Variants in SGTB observed in about 807,000 individuals in gnomAD.
SGTB encodes the protein small glutamine-rich tetratricopeptide repeat-containing protein beta.
SGTB carries 19 observed loss-of-function variants against 43.9 expected under a neutral mutation model. That is an observed-to-expected ratio of 0.43 (90% confidence interval 0.30 to 0.63). The LOEUF is 0.63. SGTB is among the 30% of genes least tolerant of loss of function. SGTB has a pLI of 0.12. For synonymous variants in SGTB, 116 were observed against 117.3 expected, an observed-to-expected ratio of 0.99 and a Z score of 0.07; for missense variants, 304 against 358.9, an observed-to-expected ratio of 0.85 and a Z score of 1.24.
At chr5:65,707,639 T>C (rs952901931) in intron 4 of SGTB, among the ~76,000 whole-genome samples, 2 of 152,128 alleles carry the variant, frequency 1.3e-5, no homozygotes, top group African/African-American at 2.4e-5. Context: ...TTCACCGAGT[T>C]GGCCAGGATG....
intron 5 of SGTB, among the ~76,000 whole-genome samples, chr5:65,689,787 T>C (rs562055919): frequency 6.6e-6 from 1 of 152,260 alleles, no homozygotes; most frequent in South Asian, 2.1e-4. Context: ...AAGGTGGTTT[T>C]AGGTCTAGTT....
intron 3 of SGTB, among the ~76,000 whole-genome samples, chr5:65,711,854 G>A (rs1405816106): frequency 6.6e-6 from 1 of 152,154 alleles, no homozygotes; most frequent in Non-Finnish European, 1.5e-5. Context: ...AAGTGTGTAA[G>A]ATATGTTTCA....
intron 3 of SGTB, among the ~76,000 whole-genome samples, chr5:65,710,867 G>A (rs1180077860): frequency 2.0e-5 from 3 of 152,006 alleles, no homozygotes; most frequent in East Asian, 3.9e-4. Context: ...GTGGTGGCGG[G>A]TGCCTGTAAT....
chr5:65,677,651 G>A (rs1383290964), intron 8 of SGTB, among the ~76,000 whole-genome samples: 2 of 152,070 alleles, frequency 1.3e-5, no homozygotes, highest in South Asian at 2.1e-4. Flanking sequence ...TCACAATCAC[G>A]GAGGCTTCAT....
intron 5 of SGTB, among the ~76,000 whole-genome samples, chr5:65,700,461 G>A (rs978764868): frequency 4.6e-5 from 7 of 152,008 alleles, no homozygotes; most frequent in Admixed American, 4.6e-4. Context: ...GAGGTCAGGA[G>A]ATCGAGACCA....
At chr5:65,689,932 G>T (rs770191681) in intron 5 of SGTB, among the ~76,000 whole-genome samples, 1 of 152,084 alleles carries the variant, frequency 6.6e-6, no homozygotes, top group Non-Finnish European at 1.5e-5. Flanking sequence ...TGAAAGTATA[G>T]GGTTCAACAA....
At chr5:65,708,763 T>C (rs1437760132) in intron 3 of SGTB, among the ~76,000 whole-genome samples, 1 of 152,130 alleles carries the variant, frequency 6.6e-6, no homozygotes, top group Non-Finnish European at 1.5e-5. Context: ...TATCTGTGAC[T>C]GGGCGTGGTG....
intron 5 of SGTB, among the ~76,000 whole-genome samples, chr5:65,700,461 G>T (rs978764868): frequency 6.6e-6 from 1 of 152,008 alleles, no homozygotes; most frequent in African/African-American, 2.4e-5. Flanking sequence ...GAGGTCAGGA[G>T]ATCGAGACCA....
chr5:65,708,337 T>G (rs1440114517), intron 4 of SGTB, 152 bp downstream of exon 4: 1 of 601,330 alleles, frequency 1.7e-6, no homozygotes, highest in East Asian at 3.1e-5. Flanking sequence ...CCAGGCTTCT[T>G]ACCCATCACA....
intron 5 of SGTB, among the ~76,000 whole-genome samples, chr5:65,687,432 T>C (rs1013944051): frequency 2.0e-5 from 3 of 152,218 alleles, no homozygotes; most frequent in Non-Finnish European, 2.9e-5. Context: ...GACACATAGA[T>C]ACATACGTAC....
chr5:65,670,354 T>C lies in SGTB; in HGVS notation c.807A>G (p.Gly269=). 6.2e-7 allele frequency: 1 copy of C among 1,613,558 alleles called. No individual in the cohort carries two copies. The highest frequency in any genetic ancestry group is 8.5e-7 in the Non-Finnish European group (1 of 1,179,530). ...GCTGTATCTGCTGAGCAAACTGCTG[T>C]CCCCTGTAGTAAAGAGGCAATGTGG... ...LTDLSSLIQA[G]QQFAQQIQQQ... The change falls in exon 11 of 11, where the codon GGA becomes GGG. Residue 269 remains glycine (G), a synonymous_variant. Coordinates refer to ENST00000381007, the MANE Select transcript of SGTB (RefSeq NM_019072.3).
chr5:65,716,896 G>C (rs1345321272), intron 2 of SGTB, among the ~76,000 whole-genome samples: 2 of 152,104 alleles, frequency 1.3e-5, no homozygotes, highest in Non-Finnish European at 2.9e-5. Context: ...ATAATGAAAA[G>C]AAGAGGATCA....
Position 65,669,923 on chromosome 5 carries a change from T to C in SGTB, c.*323A>G. ...AACAAATAGCCCTACTAGAGTTCAA[T>C]AAATATGCTTTGCTATTAAGTCTAA... is the stretch of plus-strand genomic sequence containing the variant. On this transcript the variant is annotated 3_prime_UTR_variant, in exon 11 of 11. Coordinates refer to ENST00000381007, the MANE Select transcript of SGTB (RefSeq NM_019072.3). 1 of 195,672 alleles carries C rather than the reference T, an allele frequency of 5.1e-6. No individual in the cohort carries two copies. The highest frequency in any genetic ancestry group is 1.3e-4 in the East Asian group (1 of 7,878). 12.1% of individuals were successfully genotyped at this position (195,672 alleles called of 1,614,324 possible). A position where few individuals can be genotyped will look rare whatever the true frequency, so the allele number is the denominator to read the frequency against.
chr5:65,718,870 A>G (rs975973797), intron 2 of SGTB, among the ~76,000 whole-genome samples: 1 of 151,872 alleles, frequency 6.6e-6, no homozygotes, highest in Non-Finnish European at 1.5e-5. Context: ...AAAAACCCTC[A>G]ATTTTCTTTC....
At chr5:65,713,611 C>G (rs750466183) in intron 2 of SGTB, among the ~76,000 whole-genome samples, 1 of 152,126 alleles carries the variant, frequency 6.6e-6, no homozygotes, top group Non-Finnish European at 1.5e-5. Flanking sequence ...AGCCACCACA[C>G]CTAGCAACAA....
intron 5 of SGTB, among the ~76,000 whole-genome samples, chr5:65,689,930 T>G (rs544644782): frequency 6.6e-6 from 1 of 152,258 alleles, no homozygotes; most frequent in East Asian, 1.9e-4. Context: ...TTTGAAAGTA[T>G]AGGGTTCAAC....
rs1490343566 is a variant in SGTB, at chr5:65,668,811, G to A, written c.*1435C>T. 6.6e-6 allele frequency: 1 copy of A among 151,780 alleles called. No individual in the cohort carries two copies. The highest frequency in any genetic ancestry group is 1.5e-5 in the Non-Finnish European group (1 of 68,032). 9.4% of individuals were successfully genotyped at this position (151,780 alleles called of 1,614,324 possible). A position where few individuals can be genotyped will look rare whatever the true frequency, so the allele number is the denominator to read the frequency against. ...TAATCCCAGCTACTTGGGAGCTTAA[G>A]GCTCGAGAATCACTTGAATCCAGGA... is the stretch of plus-strand genomic sequence containing the variant. On this transcript the variant is annotated 3_prime_UTR_variant, in exon 11 of 11. Coordinates refer to ENST00000381007, the MANE Select transcript of SGTB (RefSeq NM_019072.3).
At chr5:65,704,886 C>G (rs1757899351) in intron 4 of SGTB, among the ~76,000 whole-genome samples, 1 of 152,124 alleles carries the variant, frequency 6.6e-6, no homozygotes, top group Admixed American at 6.6e-5. Context: ...ATGATAGTGG[C>G]AGATAATATT....
intron 5 of SGTB, among the ~76,000 whole-genome samples, chr5:65,694,779 T>C (rs572737678): frequency 2.0e-5 from 3 of 152,134 alleles, no homozygotes; most frequent in Admixed American, 6.5e-5. Flanking sequence ...AGTTGACCAA[T>C]TAGATAAGGT....
Sources: gnomAD v4.1 joint callset for allele counts (sites outside exome capture counted in the v4.1 genomes callset) on GRCh38, gnomAD v4.1.1 for gene constraint, MANE v1.5 for transcripts, NCBI Gene and HGNC (gene_info 2026-07-23, HGNC 2026-07-21) for gene names.